Variants in ZNF320 observed in about 807,000 individuals in gnomAD.
The protein encoded by ZNF320 is zinc finger protein 320.
A neutral mutation model predicts 6.8 loss-of-function variants in ZNF320; 2 were observed. The observed-to-expected ratio is 0.29, with a 90% CI of 0.12 to 0.93. The LOEUF (loss-of-function observed/expected upper bound fraction) is 0.93. ZNF320 is among the 40% of genes least tolerant of loss of function. The pLI is 0.55. For synonymous variants in ZNF320, 208 were observed against 203.2 expected, an observed-to-expected ratio of 1.02 and a Z score of -0.20; for missense variants, 472 against 611.0, an observed-to-expected ratio of 0.77 and a Z score of 2.40.
chr19:52,897,732 AC>A (rs2064518789), upstream of ZNF320: 1 of 151,672 alleles, frequency 6.6e-6, no homozygotes, highest in South Asian at 2.1e-4. Flanking sequence ...CCTGGGCGGG[AC>A]CCCCGAGAAG....
At chr19:52,867,943 G>T (rs915500866) in intron 5 of ZNF320, among the ~76,000 whole-genome samples, 1 of 152,002 alleles carries the variant, frequency 6.6e-6, no homozygotes, top group Admixed American at 6.6e-5. Flanking sequence ...CAAGGATTCA[G>T]CATGTTGGAC....
upstream of ZNF320, among the ~76,000 whole-genome samples, chr19:52,901,618 G>A (rs570097366): frequency 6.6e-6 from 1 of 152,194 alleles, no homozygotes; most frequent in South Asian, 2.1e-4. Context: ...GTAAGGTGGC[G>A]GGGTTAGGGT....
downstream of ZNF320, among the ~76,000 whole-genome samples, chr19:52,874,977 T>C (rs2063740279): frequency 6.6e-6 from 1 of 152,072 alleles, no homozygotes; most frequent in South Asian, 2.1e-4. Context: ...GGAGATGAAG[T>C]CAGAGGGGTC....
In ZNF320 at chr19:52,881,507, G is replaced by A. The variant is rs145092886; in HGVS notation, c.619C>T (p.His207Tyr). The stretch of plus-strand genomic sequence containing the variant: ...TTGTCTCCCCTGTGAATTCTAGTAT[G>A]TTTTGCCAGGTGTGAATCATGCTTA... ...AFKHDSHLAK[H>Y]TRIHRGDKHY... Residue 207 changes from histidine to tyrosine, a missense_variant, in exon 6 of 6, where the codon CAT becomes TAT. Coordinates refer to ENST00000682928, the MANE Select transcript of ZNF320 (RefSeq NM_001351774.2). The A allele has an allele frequency of 1.9e-6, 3 of 1,613,952 alleles. No homozygotes were observed. The African/African-American group carries it at 4.0e-5, about 22-fold the overall frequency.
intron 3 of ZNF320, among the ~76,000 whole-genome samples, chr19:52,890,916 C>T (rs1006154929): frequency 1.1e-4 from 16 of 151,276 alleles, no homozygotes; most frequent in African/African-American, 3.9e-4. Flanking sequence ...TCTGGAAGGC[C>T]GAGGTGGGTG....
upstream of ZNF320, among the ~76,000 whole-genome samples, chr19:52,902,651 CTTG>C (rs1311076781): frequency 2.0e-5 from 3 of 152,114 alleles, no homozygotes; most frequent in Non-Finnish European, 4.4e-5. Context: ...AATAATGCTT[CTTG>C]TATGATTTTT....
chr19:52,895,892 C>T (rs1354069025), intron 1 of ZNF320: 1 of 151,228 alleles, frequency 6.6e-6, no homozygotes, highest in African/African-American at 2.5e-5. Flanking sequence ...ATGATACAGA[C>T]TAGAAAGCAT....
downstream of ZNF320, chr19:52,874,039 T>A: frequency 2.2e-6 from 1 of 454,268 alleles, no homozygotes; most frequent in Non-Finnish European, 4.4e-6. Context: ...TCTTGGTGTC[T>A]TCCTCAAGTA....
At chr19:52,871,306 C>T (rs551714822), downstream of ZNF320, among the ~76,000 whole-genome samples, 21 of 152,080 alleles carry the variant, frequency 1.4e-4, no homozygotes, top group East Asian at 9.7e-4. Flanking sequence ...AGCCACAGAG[C>T]GATATTTTCT....
chr19:52,863,102 G>C (rs1038259066), exon 6 of ZNF320, among the ~76,000 whole-genome samples: 2 of 152,140 alleles, frequency 1.3e-5, no homozygotes. Flanking sequence ...TGGGACTGCA[G>C]GTGCACACCA....
chr19:52,874,586 CAG>C (rs2147790505), downstream of ZNF320, among the ~76,000 whole-genome samples: 1 of 152,278 alleles, frequency 6.6e-6, no homozygotes, highest in African/African-American at 2.4e-5. Flanking sequence ...GAGCTCCACT[CAG>C]TGGGTGCCAG....
chr19:52,868,384 T>A (rs1256729922), intron 5 of ZNF320, among the ~76,000 whole-genome samples: 1 of 151,804 alleles, frequency 6.6e-6, no homozygotes, highest in Admixed American at 6.6e-5. Context: ...TACATGCCTG[T>A]AATCCCAGCT....
downstream of ZNF320, among the ~76,000 whole-genome samples, chr19:52,871,415 A>C (rs1168303978): frequency 6.6e-6 from 1 of 152,150 alleles, no homozygotes; most frequent in African/African-American, 2.4e-5. Flanking sequence ...GCTACTTGGG[A>C]GGCTGATGCA....
At chr19:52,883,804 G>C in intron 5 of ZNF320, 1 of 314,886 alleles carries the variant, frequency 3.2e-6, no homozygotes, top group Admixed American at 4.6e-5. Flanking sequence ...GGGAATCTGA[G>C]GCAGGAATCA....
chr19:52,873,151 C>T (rs1261159434), downstream of ZNF320, among the ~76,000 whole-genome samples: 1 of 151,986 alleles, frequency 6.6e-6, no homozygotes, highest in African/African-American at 2.4e-5. Flanking sequence ...TTCCTCTTAT[C>T]TCAACTGCAA....
At position 52,881,290 on chromosome 19, in the gene ZNF320, C is replaced by A. The variant is rs2063910592; in HGVS notation, c.836G>T (p.Gly279Val). The A allele has an allele frequency of 6.2e-7, 1 of 1,613,916 alleles. No homozygotes were observed. Among genetic ancestry groups the A allele is most frequent in the Non-Finnish European group, 8.5e-7 (1 of 1,179,954 alleles). Residue 279 changes from glycine to valine, a missense_variant, in exon 6 of 6, where the codon GGC becomes GTC. Physicochemically the swap from Gly to Val is moderately radical, Grantham distance 109. Coordinates refer to ENST00000682928, the MANE Select transcript of ZNF320 (RefSeq NM_001351774.2). ...GACTGAATTTCGAGCGAAGGTCTTGCCACACTCATTACATTTGTAAGGTTT... is the reference window on the plus strand; with the variant it reads ...GACTGAATTTCGAGCGAAGGTCTTGACACACTCATTACATTTGTAAGGTTT... ...GEKPYKCNEC[G>V]KTFARNSVLV...
At chr19:52,882,636 G>T (rs1479592915) in intron 5 of ZNF320, among the ~76,000 whole-genome samples, 2 of 152,096 alleles carry the variant, frequency 1.3e-5, no homozygotes, top group African/African-American at 4.8e-5. Context: ...GACAAAGTGA[G>T]ACTCTGTCTC....
intron 5 of ZNF320, among the ~76,000 whole-genome samples, chr19:52,886,981 G>A (rs1055139901): frequency 3.8e-4 from 29 of 75,648 alleles, no homozygotes; most frequent in South Asian, 1.7e-3. Flanking sequence ...AAAGAAAGAA[G>A]GAAGGAAGGA....
intron 2 of ZNF320, 39 bp downstream of exon 2, chr19:52,893,740 A>G (rs182440907): frequency 6.6e-6 from 1 of 152,322 alleles, no homozygotes; most frequent in East Asian, 1.9e-4. Context: ...CAGAAGGTAT[A>G]AGCAAAAACC....
Sources: gnomAD v4.1 joint callset for allele counts (sites outside exome capture counted in the v4.1 genomes callset) on GRCh38, gnomAD v4.1.1 for gene constraint, MANE v1.5 for transcripts, NCBI Gene and HGNC (gene_info 2026-07-23, HGNC 2026-07-21) for gene names.